The following PI15 variants were observed in gnomAD, a reference collection of about 807,000 sequenced individuals.
The protein encoded by PI15 is peptidase inhibitor 15.
In PI15, 18 loss-of-function variants were observed where a neutral mutation model predicts 31.0. The ratio of observed to expected loss-of-function variants is 0.58; its 90% confidence interval spans 0.40 to 0.86. The LOEUF is 0.86. PI15 is among the 40% of genes least tolerant of loss of function. The probability of loss-of-function intolerance (pLI) is 0.00; values close to 1 mark genes in which losing one functional copy is unlikely to be tolerated. For synonymous variants in PI15, 118 were observed against 119.1 expected (o/e 0.99, Z 0.06); for missense variants, 282 against 328.1 (o/e 0.86, Z 1.09).
chr8:74,832,523 C>A (rs1404197706), intron 2 of PI15, among the ~76,000 whole-genome samples: 1 of 151,798 alleles, frequency 6.6e-6, no homozygotes, highest in Non-Finnish European at 1.5e-5. Context: ...GAAAATACCC[C>A]CCTCTGTTTT....
chr8:74,825,296 T>C lies in PI15; in HGVS notation c.47T>C (p.Leu16Pro). The C allele has an allele frequency of 6.2e-7, 1 of 1,613,512 alleles. No homozygotes were observed. The highest frequency in any genetic ancestry group is 1.3e-5 in the African/African-American group (1 of 74,984). ...AVSSALLFSL[L>P]CEASTVVLLN... is the part of the protein sequence containing the mutation. Reference sequence around the variant, plus strand: ...AGCAGTGCACTCCTGTTCTCCCTTCTCTGTGAAGCAAGTACCGTCGTCCTA... The same window carrying C: ...AGCAGTGCACTCCTGTTCTCCCTTCCCTGTGAAGCAAGTACCGTCGTCCTA... The change falls in exon 2 of 6, where the codon CTC becomes CCC. Residue 16 changes from leucine to proline, a missense_variant. Transcript: ENST00000260113.
intron 2 of PI15, among the ~76,000 whole-genome samples, chr8:74,843,529 A>G (rs1810974659): frequency 6.6e-6 from 1 of 152,132 alleles, no homozygotes; most frequent in African/African-American, 2.4e-5. Context: ...GGAGTTCCAG[A>G]CCAGCCTGAC....
intron 2 of PI15, among the ~76,000 whole-genome samples, chr8:74,829,753 A>G (rs1268878802): frequency 6.6e-6 from 1 of 152,126 alleles, no homozygotes; most frequent in Non-Finnish European, 1.5e-5. Context: ...GAAAAATACC[A>G]TGGAGGAGTT....
At chr8:74,845,308 G>A in intron 4 of PI15, 48 bp downstream of exon 4, 2 of 1,589,680 alleles carry the variant, frequency 1.3e-6, no homozygotes, top group Non-Finnish European at 1.7e-6. Flanking sequence ...TTTAAAATAT[G>A]CTAATACTAT....
chr8:74,842,430 G>A (rs1297633927), intron 2 of PI15, among the ~76,000 whole-genome samples: 1 of 151,846 alleles, frequency 6.6e-6, no homozygotes, highest in African/African-American at 2.4e-5. Context: ...AAATAGTTTA[G>A]GAAATAATGC....
At position 74,849,140 on chromosome 8, in the gene PI15, C is replaced by T. The variant is rs1469289151; in HGVS notation, c.664C>T (p.Pro222Ser). 1.2e-6 allele frequency: 2 copies of T among 1,612,606 alleles called. No homozygotes were observed. Among genetic ancestry groups the T allele is most frequent in the Non-Finnish European group, 1.7e-6 (2 of 1,179,112 alleles). ...APKGNWIGEAPYKVGVPCSSC... is the reference protein window; with the variant it reads ...APKGNWIGEASYKVGVPCSSC... The stretch of plus-strand genomic sequence containing the variant: ...TAGGGGCAATTGGATTGGAGAAGCA[C>T]CATATAAAGTAGGGGTACCATGTTC... The change falls in exon 6 of 6, where the codon CCA (proline) becomes TCA (serine). Residue 222 changes from proline (P) to serine (S), a missense_variant. Pro to Ser is a moderately conservative substitution (Grantham distance 74). Coordinates refer to ENST00000260113, the MANE Select transcript of PI15 (RefSeq NM_015886.5).
chr8:74,844,427 CTGTGTGTGTGTGTGTGTGTGTGTG>C (rs57644375), intron 3 of PI15, among the ~76,000 whole-genome samples: 1 of 141,706 alleles, frequency 7.1e-6, no homozygotes, highest in African/African-American at 2.6e-5. Context: ...TGTGCAGAGG[CTGTGTGTGTGTGTGTGTGTGTGTG>C]TGTGTGTGTG....
At chr8:74,841,205 A>T (rs776431016) in intron 2 of PI15, among the ~76,000 whole-genome samples, 1 of 152,216 alleles carries the variant, frequency 6.6e-6, no homozygotes, top group Non-Finnish European at 1.5e-5. Flanking sequence ...AATGTCTTGA[A>T]TATTTTTAAT....
chr8:74,837,365 C>T (rs1810886929), intron 2 of PI15, among the ~76,000 whole-genome samples: 1 of 152,088 alleles, frequency 6.6e-6, no homozygotes, highest in Non-Finnish European at 1.5e-5. Flanking sequence ...CTCTGCCCCA[C>T]CCTCCCCTTC....
chr8:74,841,059 G>A (rs190887267), intron 2 of PI15, among the ~76,000 whole-genome samples: 3 of 152,142 alleles, frequency 2.0e-5, no homozygotes, highest in Admixed American at 1.3e-4. Flanking sequence ...GAGTATAAAG[G>A]TAGGATTACA....
chr8:74,849,033 C>G, intron 5 of PI15, 85 bp from the exon 6 acceptor site: 2 of 1,183,538 alleles, frequency 1.7e-6, no homozygotes, highest in South Asian at 2.9e-5. Context: ...CATGTCAATA[C>G]TTGTGAACAT....
chr8:74,830,093 G>C (rs779745654), intron 2 of PI15, among the ~76,000 whole-genome samples: 2 of 152,008 alleles, frequency 1.3e-5, no homozygotes, highest in African/African-American at 4.8e-5. Flanking sequence ...GGTAACTCCC[G>C]AGTAAGCAAT....
At chr8:74,839,103 CA>C (rs1213700834) in intron 2 of PI15, among the ~76,000 whole-genome samples, 1 of 152,202 alleles carries the variant, frequency 6.6e-6, no homozygotes, top group Non-Finnish European at 1.5e-5. Flanking sequence ...GAGAATCCTA[CA>C]TTCTTTTCAT....
intron 2 of PI15, among the ~76,000 whole-genome samples, chr8:74,841,364 G>A (rs1371010869): frequency 6.6e-6 from 1 of 152,140 alleles, no homozygotes; most frequent in African/African-American, 2.4e-5. Context: ...AAAGATGAAA[G>A]GGACCCTGGA....
intron 2 of PI15, among the ~76,000 whole-genome samples, chr8:74,839,527 G>A (rs892833668): frequency 1.3e-5 from 2 of 151,934 alleles, no homozygotes; most frequent in African/African-American, 4.8e-5. Context: ...GCATATTTAC[G>A]CATAATATTC....
intron 2 of PI15, chr8:74,826,189 C>G (rs1054243097): frequency 3.6e-6 from 1 of 276,842 alleles, no homozygotes; most frequent in Non-Finnish European, 5.5e-6. Flanking sequence ...AATCATTTTA[C>G]TTAGAAAGTA....
At chr8:74,833,041 G>A (rs1810810604) in intron 2 of PI15, among the ~76,000 whole-genome samples, 1 of 152,102 alleles carries the variant, frequency 6.6e-6, no homozygotes, top group Non-Finnish European at 1.5e-5. Flanking sequence ...GCCGTAGGTA[G>A]GCGGGAAGGC....
intron 2 of PI15, among the ~76,000 whole-genome samples, chr8:74,831,135 A>G (rs1192251315): frequency 6.6e-6 from 1 of 152,196 alleles, no homozygotes; most frequent in East Asian, 1.9e-4. Flanking sequence ...AGGTAAGAAC[A>G]TTTTGTTTGT....
intron 2 of PI15, among the ~76,000 whole-genome samples, chr8:74,839,507 A>G (rs1338879174): frequency 6.6e-6 from 1 of 152,272 alleles, no homozygotes; most frequent in African/African-American, 2.4e-5. Context: ...TGGGTCTTGT[A>G]AATATTTGTG....
Sources: gnomAD v4.1 joint callset for allele counts (sites outside exome capture counted in the v4.1 genomes callset) on GRCh38, gnomAD v4.1.1 for gene constraint, MANE v1.5 for transcripts, NCBI Gene and HGNC (gene_info 2026-07-23, HGNC 2026-07-21) for gene names.